The following TNNI3K variants were observed in gnomAD, a reference collection of about 807,000 sequenced individuals.
The protein encoded by TNNI3K is TNNI3 interacting kinase, also known as serine/threonine-protein kinase TNNI3K.
Under a neutral mutation model 114.5 loss-of-function variants are expected in TNNI3K, and 140 were observed. The ratio of observed to expected loss-of-function variants is 1.22; its 90% CI spans 1.07 to 1.41. The LOEUF is 1.41. Ranked by LOEUF, TNNI3K falls within the 40% of genes most tolerant of loss-of-function variation. The pLI, the probability that TNNI3K is intolerant of heterozygous loss-of-function variation, is 0.00. For missense variants in TNNI3K, 1,125 were observed against 1,007.6 expected, an observed-to-expected ratio of 1.12 and a Z score of -1.58; for synonymous variants, 347 against 347.5, an observed-to-expected ratio of 1.00 and a Z score of 0.02.
At chr1:74,471,566 T>TTA in intron 21 of TNNI3K, 1 of 400,738 alleles carries the variant, frequency 2.5e-6, no homozygotes, top group Non-Finnish European at 4.4e-6. Flanking sequence ...TCTCCTTTGT[T>TTA]TCTCTCCCCA....
At chr1:74,379,240 C>A (rs1028868709) in intron 17 of TNNI3K, among the ~76,000 whole-genome samples, 1 of 151,732 alleles carries the variant, frequency 6.6e-6, no homozygotes, top group Non-Finnish European at 1.5e-5. Flanking sequence ...AAACATATAA[C>A]TATATAAATA....
At chr1:74,359,666 C>T (rs1661850731) in intron 11 of TNNI3K, among the ~76,000 whole-genome samples, 1 of 151,982 alleles carries the variant, frequency 6.6e-6, no homozygotes, top group Non-Finnish European at 1.5e-5. Context: ...TGCGTAGTTG[C>T]ATGCAAATAC....
intron 5 of TNNI3K, among the ~76,000 whole-genome samples, chr1:74,306,349 G>A (rs1658632986): frequency 6.6e-6 from 1 of 152,124 alleles, no homozygotes; most frequent in African/African-American, 2.4e-5. Flanking sequence ...ATGAGTGCAG[G>A]TGTCTCTTTT....
intron 2 of TNNI3K, among the ~76,000 whole-genome samples, chr1:74,243,994 AG>A (rs1223582284): frequency 6.6e-6 from 1 of 152,152 alleles, no homozygotes; most frequent in Non-Finnish European, 1.5e-5. Flanking sequence ...CAGTTACTTT[AG>A]AAGAGGCAAA....
intron 11 of TNNI3K, among the ~76,000 whole-genome samples, chr1:74,364,904 A>G (rs1241032417): frequency 6.6e-6 from 1 of 152,108 alleles, no homozygotes; most frequent in Non-Finnish European, 1.5e-5. Context: ...CAGCTCAGAG[A>G]AAACCATGTT....
chr1:74,277,000 C>A (rs1345733499), intron 5 of TNNI3K, among the ~76,000 whole-genome samples: 2 of 152,202 alleles, frequency 1.3e-5, no homozygotes, highest in African/African-American at 4.8e-5. Context: ...AATACATTTG[C>A]ATATGCTTCT....
At chr1:74,416,005 GA>G (rs1233043520) in intron 17 of TNNI3K, among the ~76,000 whole-genome samples, 2 of 152,136 alleles carry the variant, frequency 1.3e-5, no homozygotes, top group Non-Finnish European at 2.9e-5. Flanking sequence ...GTGGGAAGGG[GA>G]AGTCTTCTAG....
chr1:74,417,493 C>G (rs1348943970), intron 17 of TNNI3K, among the ~76,000 whole-genome samples: 4 of 152,088 alleles, frequency 2.6e-5, no homozygotes, highest in Non-Finnish European at 5.9e-5. Context: ...CTCTTCTTCT[C>G]TCTGTTCTTC....
intron 21 of TNNI3K, among the ~76,000 whole-genome samples, chr1:74,472,827 T>A (rs1472265363): frequency 6.6e-6 from 1 of 152,168 alleles, no homozygotes. Context: ...TTTAAAATGG[T>A]ACAGATTAAT....
At chr1:74,542,728 G>A (rs1230561878) in intron 24 of TNNI3K, among the ~76,000 whole-genome samples, 1 of 152,192 alleles carries the variant, frequency 6.6e-6, no homozygotes, top group Admixed American at 6.5e-5. Flanking sequence ...TGAAAACTCA[G>A]CTATCAAAGG....
intron 9 of TNNI3K, among the ~76,000 whole-genome samples, chr1:74,350,041 C>G (rs145586494): frequency 0.063 from 9,526 of 152,162 alleles, 389 homozygotes; most frequent in South Asian, 0.12. Context: ...TCTTGCTTCT[C>G]TAGTTCTTTT....
rs187055560 is a variant in TNNI3K at position 74,543,381 on chromosome 1, T to G, written c.2432-525T>G. On this transcript the variant is annotated intron_variant, in intron 24 of 24. Coordinates refer to ENST00000326637, the MANE Select transcript of TNNI3K (RefSeq NM_015978.3). ...GCCACTGCACCTGGACTCTTTCCTTTTTCTTTACCTTCCTTTTTATAGCCA... is the reference window on the plus strand; with the variant it reads ...GCCACTGCACCTGGACTCTTTCCTTGTTCTTTACCTTCCTTTTTATAGCCA... Among the ~76,000 whole-genome samples the G allele has an allele frequency of 2.3e-4, 35 of 152,300 alleles. 1 individual carries two copies. The Middle Eastern group carries it at 0.01, about 44-fold the overall frequency.
chr1:74,251,531 A>C (rs564865047), intron 4 of TNNI3K, among the ~76,000 whole-genome samples: 1 of 152,240 alleles, frequency 6.6e-6, no homozygotes, highest in Non-Finnish European at 1.5e-5. Flanking sequence ...TAAAGTAGAT[A>C]CCTGGACAAT....
At chr1:74,464,676 C>A (rs1203480073) in intron 21 of TNNI3K, 1 of 1,597,054 alleles carries the variant, frequency 6.3e-7, no homozygotes, top group African/African-American at 1.3e-5. Flanking sequence ...CATCTGTGTA[C>A]ACAGAAACTC....
At chr1:74,404,278 C>T (rs759138572) in intron 17 of TNNI3K, among the ~76,000 whole-genome samples, 1 of 152,094 alleles carries the variant, frequency 6.6e-6, no homozygotes, top group Non-Finnish European at 1.5e-5. Flanking sequence ...AATATTGGCT[C>T]AATATTGCTG....
intron 16 of TNNI3K, 68 bp downstream of exon 16, chr1:74,369,653 G>A (rs1662491054): frequency 1.4e-6 from 2 of 1,462,178 alleles, no homozygotes; most frequent in Non-Finnish European, 1.8e-6. Context: ...TACTTCAGAG[G>A]GTTTCCCATT....
chr1:74,292,945 C>G (rs1450743795), intron 5 of TNNI3K, among the ~76,000 whole-genome samples: 1 of 151,584 alleles, frequency 6.6e-6, no homozygotes, highest in African/African-American at 2.4e-5. Flanking sequence ...TTGAACTTCT[C>G]TATCTCTAGC....
In TNNI3K at chr1:74,413,550, G is replaced by A. The variant is rs185987315; in HGVS notation, c.1773-22530G>A. On this transcript the variant is annotated intron_variant, in intron 17 of 24. Coordinates refer to ENST00000326637, the MANE Select transcript of TNNI3K (RefSeq NM_015978.3). ...TTTAAGAAATTAACTGATATCTTCT[G>A]ATAAAATGTATTTAATCCACAGTAT... Among the ~76,000 whole-genome samples, 279 of 152,226 alleles carry A rather than the reference G, an allele frequency of 1.8e-3. 2 individuals are homozygous for A. The highest frequency in any genetic ancestry group is 6.3e-3 in the African/African-American group (262 of 41,546).
chr1:74,352,364 G>A (rs1352664414), intron 9 of TNNI3K, among the ~76,000 whole-genome samples: 6 of 152,198 alleles, frequency 3.9e-5, no homozygotes, highest in Non-Finnish European at 7.3e-5. Flanking sequence ...CGTGTGAGGT[G>A]TCAGTCTGCC....
Sources: allele counts gnomAD v4.1 joint callset (sites outside exome capture counted in the v4.1 genomes callset), GRCh38; gene constraint gnomAD v4.1.1; transcripts MANE v1.5; gene names NCBI Gene and HGNC (gene_info 2026-07-23, HGNC 2026-07-21).